Variants in KCNMA1 observed in about 807,000 individuals in gnomAD.
The protein encoded by KCNMA1 is potassium calcium-activated channel subfamily M alpha 1, also known as Calcium-activated potassium channel subunit alpha-1.
In KCNMA1, 29 loss-of-function variants were observed where a neutral mutation model predicts 140.0. The ratio of observed to expected loss-of-function variants is 0.21; its 90% CI spans 0.15 to 0.28. The LOEUF is 0.28. Ranked by LOEUF, KCNMA1 falls within the 10% of genes least tolerant of loss-of-function variation. The pLI is 1.00. For missense variants in KCNMA1, 880 were observed against 1,602.2 expected (o/e 0.55, Z 7.70); for synonymous variants, 612 against 611.9 (o/e 1.00, Z 0.00).
intron 17 of KCNMA1, chr10:77,012,519 CT>C: frequency 1.3e-6 from 2 of 1,550,228 alleles, no homozygotes. Flanking sequence ...CTGAAAGCAC[CT>C]TTTCTGGGCA....
intron 1 of KCNMA1, chr10:77,498,632 A>G (rs1273389401): frequency 6.6e-6 from 1 of 152,220 alleles, no homozygotes; most frequent in Non-Finnish European, 1.5e-5. Flanking sequence ...CCAGTGCTCT[A>G]GTGCAAGATC....
chr10:77,572,056 A>G (rs2071588449), intron 1 of KCNMA1, among the ~76,000 whole-genome samples: 2 of 152,224 alleles, frequency 1.3e-5, no homozygotes, highest in African/African-American at 4.8e-5. Context: ...AAGAAGGTAG[A>G]ACAAAGTGGG....
chr10:77,132,714 A>G (rs2097891905), intron 5 of KCNMA1, among the ~76,000 whole-genome samples: 1 of 152,208 alleles, frequency 6.6e-6, no homozygotes, highest in South Asian at 2.1e-4. Flanking sequence ...CAAAGCAACA[A>G]GAGTCAAATT....
At chr10:77,494,544 TCTTTGCAGCCCAGAGAGCAC>T (rs2041173185) in intron 1 of KCNMA1, among the ~76,000 whole-genome samples, 1 of 152,200 alleles carries the variant, frequency 6.6e-6, no homozygotes, top group Non-Finnish European at 1.5e-5. Context: ...CTGTCTGGAT[TCTTTGCAGCCCAGAGAGCAC>T]CTTTCACCAC....
chr10:77,278,382 A>T (rs1182865952), intron 2 of KCNMA1, among the ~76,000 whole-genome samples: 1 of 152,220 alleles, frequency 6.6e-6, no homozygotes. Flanking sequence ...ATTCAGAAGC[A>T]GATGATCAGT....
intron 1 of KCNMA1, among the ~76,000 whole-genome samples, chr10:77,501,028 T>A (rs2043684339): frequency 6.6e-6 from 1 of 152,196 alleles, no homozygotes; most frequent in Non-Finnish European, 1.5e-5. Flanking sequence ...GCCCTCCAGG[T>A]TGTTCTAATG....
At chr10:77,523,508 G>T (rs951772601) in intron 1 of KCNMA1, among the ~76,000 whole-genome samples, 2 of 152,220 alleles carry the variant, frequency 1.3e-5, no homozygotes, top group Non-Finnish European at 2.9e-5. Context: ...TGGGCAATGT[G>T]CAGGCAAGGC....
intron 1 of KCNMA1, among the ~76,000 whole-genome samples, chr10:77,570,592 T>TAGGGGG (rs2070722290): frequency 1.5e-4 from 1 of 6,790 alleles, no homozygotes; most frequent in Non-Finnish European, 3.2e-4. Flanking sequence ...TGTTGTGGGG[T>TAGGGGG]AGGGGGAGGG....
intron 19 of KCNMA1, chr10:76,973,004 G>C (rs2076502106): frequency 6.6e-6 from 1 of 152,116 alleles, no homozygotes; most frequent in South Asian, 2.1e-4. Context: ...CTACATGAGA[G>C]GAATAAAAAT....
Position 77,215,407 on chromosome 10 carries a change from C to CTT in KCNMA1, c.603-30493_603-30492dup, listed in dbSNP as rs5786271. On this transcript the variant is annotated intron_variant, in intron 3 of 27. Coordinates refer to ENST00000286628, the MANE Select transcript of KCNMA1 (RefSeq NM_001161352.2). ...TTGTTTTGTCTGTCTTTTATTTTTGCTTTTTTTTTTTTTTGCCTGTCTCCT... is the reference window on the plus strand; with the variant it reads ...TTGTTTTGTCTGTCTTTTATTTTTGCTTTTTTTTTTTTTTTTGCCTGTCTCCT... Among the ~76,000 whole-genome samples, 823 of 132,902 alleles carry CTT rather than the reference C, an allele frequency of 6.2e-3. 9 individuals are homozygous for CTT. Among genetic ancestry groups the CTT allele is most frequent in the Middle Eastern group, 0.02 (5 of 254 alleles). The allele number at this position is 132,902 out of a possible 152,430, so 87.2% of individuals were successfully genotyped here. A position where few individuals can be genotyped will look rare whatever the true frequency, so the allele number is the denominator to read the frequency against.
intron 13 of KCNMA1, among the ~76,000 whole-genome samples, chr10:77,076,126 G>A (rs2096388527): frequency 1.3e-5 from 2 of 152,114 alleles, no homozygotes; most frequent in South Asian, 4.1e-4. Context: ...AGAAGGCCAT[G>A]AAAGAGGAAA....
intron 24 of KCNMA1, chr10:76,911,134 A>G (rs1280973494): frequency 3.3e-5 from 5 of 152,186 alleles, no homozygotes; most frequent in Non-Finnish European, 2.9e-5. Context: ...TAAATGTATC[A>G]ACAGCTAATT....
At chr10:77,386,883 A>G (rs1176344319) in intron 2 of KCNMA1, among the ~76,000 whole-genome samples, 1 of 152,230 alleles carries the variant, frequency 6.6e-6, no homozygotes, top group African/African-American at 2.4e-5. Flanking sequence ...AGCTAAGAGA[A>G]AGAACATTAA....
At chr10:77,171,404 T>C (rs755624612) in intron 5 of KCNMA1, among the ~76,000 whole-genome samples, 2,398 of 35,456 alleles carry the variant, frequency 0.068, 40 homozygotes, top group African/African-American at 0.071. Context: ...TGTGTGCGTG[T>C]GTGTGTGTGT....
At chr10:77,018,127 C>A (rs2092391375) in intron 17 of KCNMA1, among the ~76,000 whole-genome samples, 1 of 152,132 alleles carries the variant, frequency 6.6e-6, no homozygotes, top group Non-Finnish European at 1.5e-5. Context: ...AGAAGACTTA[C>A]CTTCCAGGGT....
chr10:77,242,450 T>G (rs749788480), intron 3 of KCNMA1, among the ~76,000 whole-genome samples: 35 of 152,182 alleles, frequency 2.3e-4, no homozygotes, highest in Admixed American at 2.0e-3. Flanking sequence ...TTTCTGTCTA[T>G]TCAACTCAAA....
At chr10:77,456,122 A>T (rs987254567) in intron 1 of KCNMA1, among the ~76,000 whole-genome samples, 2 of 152,190 alleles carry the variant, frequency 1.3e-5, no homozygotes, top group African/African-American at 4.8e-5. Context: ...TCTCCCAGGG[A>T]AGCAAGAAGA....
chr10:77,120,218 G>T (rs577436872), intron 6 of KCNMA1, among the ~76,000 whole-genome samples: 1 of 152,138 alleles, frequency 6.6e-6, no homozygotes, highest in South Asian at 2.1e-4. Context: ...ATTAGAGCAC[G>T]TCTAACCTCT....
chr10:77,098,218 G>A (rs572857515), intron 9 of KCNMA1, among the ~76,000 whole-genome samples: 14 of 152,116 alleles, frequency 9.2e-5, no homozygotes, highest in African/African-American at 1.9e-4. Context: ...ACTCAGTGCC[G>A]GGGACATTGG....
Sources: gnomAD v4.1 joint callset for allele counts (sites outside exome capture counted in the v4.1 genomes callset) on GRCh38, gnomAD v4.1.1 for gene constraint, MANE v1.5 for transcripts, NCBI Gene and HGNC (gene_info 2026-07-23, HGNC 2026-07-21) for gene names.